The following ETV1 variants were observed in gnomAD, a reference collection of about 807,000 sequenced individuals.
ETV1 encodes the protein ETS translocation variant 1.
ETV1 carries 27 observed loss-of-function variants against 62.3 expected under a neutral mutation model. That is an observed-to-expected ratio of 0.43 (90% CI 0.32 to 0.60). The LOEUF (loss-of-function observed/expected upper bound fraction) is 0.60, where lower values mean the gene tolerates loss of function less well. Ranked by LOEUF, ETV1 falls within the 20% of genes least tolerant of loss-of-function variation. The pLI is 0.06. For synonymous variants in ETV1, 222 were observed against 199.6 expected, an observed-to-expected ratio of 1.11 and a Z score of -0.94; for missense variants, 605 against 605.8, an observed-to-expected ratio of 1.00 and a Z score of 0.01.
chr7:13,905,092 G>A (rs1782822662), intron 12 of ETV1, among the ~76,000 whole-genome samples: 1 of 151,592 alleles, frequency 6.6e-6, no homozygotes. Flanking sequence ...AGACTTGACT[G>A]TTCTAACCAG....
intron 6 of ETV1, among the ~76,000 whole-genome samples, chr7:13,959,736 T>G (rs1424333890): frequency 2.6e-5 from 4 of 151,734 alleles, no homozygotes; most frequent in Non-Finnish European, 5.9e-5. Context: ...ATACAAAAAG[T>G]AGCCAGAGTG....
At chr7:13,976,770 C>G (rs922779484) in intron 6 of ETV1, among the ~76,000 whole-genome samples, 2 of 152,190 alleles carry the variant, frequency 1.3e-5, no homozygotes, top group Non-Finnish European at 2.9e-5. Flanking sequence ...AATTAAGGGA[C>G]AGTGAGTACT....
At chr7:13,899,054 A>C (rs1782130666) in intron 13 of ETV1, among the ~76,000 whole-genome samples, 1 of 152,226 alleles carries the variant, frequency 6.6e-6, no homozygotes, top group African/African-American at 2.4e-5. Context: ...TAATCTGTTC[A>C]AGAATGTAAT....
At chr7:13,919,825 T>C (rs896581325) in intron 9 of ETV1, among the ~76,000 whole-genome samples, 2 of 151,996 alleles carry the variant, frequency 1.3e-5, no homozygotes, top group Non-Finnish European at 2.9e-5. Context: ...CTTTAAAAAA[T>C]GTTATATGTT....
intron 13 of ETV1, among the ~76,000 whole-genome samples, chr7:13,897,823 A>G (rs1373608555): frequency 6.6e-6 from 1 of 152,228 alleles, no homozygotes; most frequent in Non-Finnish European, 1.5e-5. Context: ...ATTTGGAGAA[A>G]AAATAAAATA....
At chr7:13,979,358 T>C (rs1481547054) in intron 5 of ETV1, among the ~76,000 whole-genome samples, 1 of 152,084 alleles carries the variant, frequency 6.6e-6, no homozygotes, top group Non-Finnish European at 1.5e-5. Flanking sequence ...CAGTTTAATA[T>C]CTTTACTTCT....
At chr7:13,920,957 T>C (rs1430110361) in intron 9 of ETV1, among the ~76,000 whole-genome samples, 1 of 152,170 alleles carries the variant, frequency 6.6e-6, no homozygotes, top group African/African-American at 2.4e-5. Flanking sequence ...CTTTTCACAA[T>C]TGAAGCACCT....
At chr7:13,946,432 T>TA (rs1322084156) in intron 6 of ETV1, among the ~76,000 whole-genome samples, 2 of 152,188 alleles carry the variant, frequency 1.3e-5, no homozygotes, top group Non-Finnish European at 2.9e-5. Context: ...ACCAAGACTT[T>TA]AAAAAATGCA....
intron 6 of ETV1, among the ~76,000 whole-genome samples, chr7:13,942,087 G>T (rs1401933719): frequency 7.0e-6 from 1 of 142,350 alleles, no homozygotes; most frequent in Non-Finnish European, 1.5e-5. Context: ...GCAGTGGCGC[G>T]ATCTCGGCTC....
At chr7:13,991,084 C>G (rs1419464041), upstream of ETV1, 1 of 152,160 alleles carries the variant, frequency 6.6e-6, no homozygotes, top group Non-Finnish European at 1.5e-5. Flanking sequence ...CCCGCGCATT[C>G]CCGGAAACTA....
rs1781370599 is a variant in ETV1, at chr7:13,891,288, A to G, written c.*4578T>C. The G allele has an allele frequency of 4.4e-6, 1 of 228,976 alleles. No homozygotes were observed. The highest frequency in any genetic ancestry group is 8.7e-6 in the Non-Finnish European group (1 of 115,528). The allele number at this position is 228,976 out of a possible 1,614,324, so 14.2% of individuals were successfully genotyped here. Reference sequence around the variant, plus strand: ...TTTTGAGCATATTTAATTTGCTATAATCATGATTTTCATAGCATGTTTTCT... The same window carrying G: ...TTTTGAGCATATTTAATTTGCTATAGTCATGATTTTCATAGCATGTTTTCT... On this transcript the variant is annotated 3_prime_UTR_variant, in exon 14 of 14. Coordinates refer to ENST00000430479, the MANE Select transcript of ETV1 (RefSeq NM_004956.5).
rs1583702063 is a variant in ETV1, at chr7:13,937,264, T to G, written c.366-1368A>C. On this transcript the variant is annotated intron_variant, in intron 7 of 13. Coordinates refer to ENST00000430479, the MANE Select transcript of ETV1 (RefSeq NM_004956.5). Reference sequence around the variant, plus strand: ...AGCAAAGTCAACAGTGTTCATATAATGAATTGCATGTTTGGTTCCACCTAT... The same window carrying G: ...AGCAAAGTCAACAGTGTTCATATAAGGAATTGCATGTTTGGTTCCACCTAT... 1.3e-5 allele frequency among the ~76,000 whole-genome samples: 2 copies of G among 152,358 alleles called. 1 individual carries two copies. The highest frequency in any genetic ancestry group is 4.1e-4 in the South Asian group (2 of 4,832).
chr7:13,893,758 A>C lies in ETV1; in HGVS notation c.*2108T>G. 1 of 232,982 alleles carries C rather than the reference A, an allele frequency of 4.3e-6. No homozygotes were observed. The highest frequency in any genetic ancestry group is 8.5e-6 in the Non-Finnish European group (1 of 117,660). 14.4% of individuals were successfully genotyped at this position (232,982 alleles called of 1,614,324 possible). A position where few individuals can be genotyped will look rare whatever the true frequency, so the allele number is the denominator to read the frequency against. On this transcript the variant is annotated 3_prime_UTR_variant, in exon 14 of 14. Transcript: ENST00000430479. Reference sequence around the variant, plus strand: ...ATATATCTCAATTCCTTTTTCCAATAAAACTTTCACTGAATATTTTAACAT... The same window carrying C: ...ATATATCTCAATTCCTTTTTCCAATCAAACTTTCACTGAATATTTTAACAT...
chr7:13,908,916 C>T (rs1303168231), intron 11 of ETV1, among the ~76,000 whole-genome samples: 1 of 152,046 alleles, frequency 6.6e-6, no homozygotes, highest in Admixed American at 6.6e-5. Context: ...TGAAGAACCA[C>T]TAAATCAATT....
chr7:13,953,070 G>A lies in ETV1; in HGVS notation c.236-13824C>T, dbSNP rs768173573. Among the ~76,000 whole-genome samples the A allele has an allele frequency of 2.1e-3, 318 of 152,146 alleles. 1 individual carries two copies. The highest frequency in any genetic ancestry group is 3.1e-3 in the Non-Finnish European group (209 of 68,024). On this transcript the variant is annotated intron_variant, in intron 6 of 13. Transcript: ENST00000430479. ...TGCATTTTGCACTGGCTTCAAATCA[G>A]ATCGTCCTACCCCTACTGGTCCAGT... is the stretch of plus-strand genomic sequence containing the variant.
Position 13,893,964 on chromosome 7 carries a change from T to C in ETV1, c.*1902A>G, listed in dbSNP as rs1781558259. 4.3e-6 allele frequency: 1 copy of C among 233,042 alleles called. No individual in the cohort carries two copies. Among genetic ancestry groups the C allele is most frequent in the South Asian group, 1.8e-4 (1 of 5,524 alleles). 14.4% of individuals were successfully genotyped at this position (233,042 alleles called of 1,614,324 possible). A position where few individuals can be genotyped will look rare whatever the true frequency, so the allele number is the denominator to read the frequency against. On this transcript the variant is annotated 3_prime_UTR_variant, in exon 14 of 14. Coordinates refer to ENST00000430479, the MANE Select transcript of ETV1 (RefSeq NM_004956.5). ...CATATTTTGAAATTGGAGTACTTTTTGTAGGATTAAATGTGAAGAGTAGCA... is the reference window on the plus strand; with the variant it reads ...CATATTTTGAAATTGGAGTACTTTTCGTAGGATTAAATGTGAAGAGTAGCA...
chr7:13,975,020 T>G (rs559235999), intron 6 of ETV1: 1 of 152,510 alleles, frequency 6.6e-6, no homozygotes, highest in East Asian at 1.9e-4. Flanking sequence ...GACAACAATG[T>G]GGAAGACATC....
chr7:13,911,862 G>C (rs1783602726), intron 9 of ETV1, among the ~76,000 whole-genome samples: 1 of 152,166 alleles, frequency 6.6e-6, no homozygotes, highest in Non-Finnish European at 1.5e-5. Context: ...ATTTATAATA[G>C]GGTTGCAGTA....
rs1016147511 is a variant in ETV1, at chr7:13,891,685, C to G, written c.*4181G>C. 1 of 231,852 alleles carries G rather than the reference C, an allele frequency of 4.3e-6. No homozygotes were observed. The highest frequency in any genetic ancestry group is 5.6e-5 in the Admixed American group (1 of 17,758). 14.4% of individuals were successfully genotyped at this position (231,852 alleles called of 1,614,324 possible). On this transcript the variant is annotated 3_prime_UTR_variant, in exon 14 of 14. Coordinates refer to ENST00000430479, the MANE Select transcript of ETV1 (RefSeq NM_004956.5). ...TGAAATTTTCTAGTATCATGCCCAA[C>G]TATTACCATCTTTTTGAAACTTGAT...
Sources: allele counts gnomAD v4.1 joint callset (sites outside exome capture counted in the v4.1 genomes callset), GRCh38; gene constraint gnomAD v4.1.1; transcripts MANE v1.5; gene names NCBI Gene and HGNC (gene_info 2026-07-23, HGNC 2026-07-21).